TGFB2: variants seen among roughly 807,000 people sequenced by gnomAD.
The protein encoded by TGFB2 is transforming growth factor beta 2, also known as transforming growth factor beta-2 proprotein.
In TGFB2, 13 loss-of-function variants were observed where a neutral mutation model predicts 42.7. The ratio of observed to expected loss-of-function variants is 0.30; its 90% CI spans 0.20 to 0.48. The LOEUF is 0.48. Among genes scored for constraint, TGFB2 ranks in the 20% least tolerant of loss-of-function variants. TGFB2 has a pLI of 0.99. For missense variants in TGFB2, 390 were observed against 517.5 expected (o/e 0.75, Z 2.39); for synonymous variants, 193 against 193.6 (o/e 1.00, Z 0.03).
At chr1:218,437,977 T>C (rs2102630685) in intron 6 of TGFB2, among the ~76,000 whole-genome samples, 1 of 152,304 alleles carries the variant, frequency 6.6e-6, no homozygotes, top group East Asian at 1.9e-4. Context: ...ATTTCCTCAT[T>C]TGGGGAACAT....
At chr1:218,356,405 G>A (rs923044031) in intron 1 of TGFB2, among the ~76,000 whole-genome samples, 28 of 152,114 alleles carry the variant, frequency 1.8e-4, no homozygotes, top group African/African-American at 6.7e-4. Context: ...TTTTTGTAGA[G>A]CTGGGGTCTT....
Position 218,442,266 on chromosome 1 carries a change from AGCTAT to A in TGFB2, c.*910_*914del, listed in dbSNP as rs1427438055. ...TTCAGACCTTAAAATATTGCTGTAT[AGCTAT>A]GCTATAGGTTTTTTCCTTTGTTTTG... On this transcript the variant is annotated 3_prime_UTR_variant, in exon 7 of 7. Coordinates refer to ENST00000366930, the MANE Select transcript of TGFB2 (RefSeq NM_003238.6). The A allele has an allele frequency of 6.6e-6, 1 of 152,076 alleles. No individual in the cohort carries two copies. Among genetic ancestry groups the A allele is most frequent in the Non-Finnish European group, 1.5e-5 (1 of 68,006 alleles). 9.4% of individuals were successfully genotyped at this position (152,076 alleles called of 1,614,324 possible).
At chr1:218,364,325 TA>T (rs1322942736) in intron 1 of TGFB2, among the ~76,000 whole-genome samples, 1 of 152,118 alleles carries the variant, frequency 6.6e-6, no homozygotes, top group African/African-American at 2.4e-5. Flanking sequence ...GGCTGAGGGG[TA>T]CAAAAGCCAG....
chr1:218,350,173 G>C (rs1169307469), intron 1 of TGFB2, among the ~76,000 whole-genome samples: 2 of 152,308 alleles, frequency 1.3e-5, no homozygotes, highest in East Asian at 3.9e-4. Context: ...GTAAGAATCT[G>C]TAGAGAGTCC....
chr1:218,395,396 C>A (rs1470725591), intron 1 of TGFB2, among the ~76,000 whole-genome samples: 1 of 152,074 alleles, frequency 6.6e-6, no homozygotes, highest in Non-Finnish European at 1.5e-5. Flanking sequence ...GAGCTGCTGC[C>A]TTGTTATTTT....
chr1:218,403,080 G>T (rs760386351), intron 1 of TGFB2, among the ~76,000 whole-genome samples: 6 of 152,216 alleles, frequency 3.9e-5, no homozygotes, highest in Non-Finnish European at 7.3e-5. Context: ...GCCTTTCTGC[G>T]TGCACCAGTG....
intron 2 of TGFB2, among the ~76,000 whole-genome samples, chr1:218,416,926 C>A (rs190924753): frequency 2.0e-5 from 3 of 152,162 alleles, no homozygotes; most frequent in East Asian, 1.9e-4. Context: ...GTGAGATGTG[C>A]CTTTCACCTT....
chr1:218,389,062 C>T (rs941476407), intron 1 of TGFB2, among the ~76,000 whole-genome samples: 4 of 152,100 alleles, frequency 2.6e-5, no homozygotes, highest in African/African-American at 7.2e-5. Context: ...GGGGGAGTCA[C>T]TTACATCGAA....
At chr1:218,378,998 C>T (rs1266818236) in intron 1 of TGFB2, among the ~76,000 whole-genome samples, 5 of 152,144 alleles carry the variant, frequency 3.3e-5, no homozygotes, top group African/African-American at 1.2e-4. Context: ...AGCTGTCTGC[C>T]AGCAGATTCT....
At chr1:218,353,305 A>G (rs1400325300) in intron 1 of TGFB2, among the ~76,000 whole-genome samples, 7 of 152,140 alleles carry the variant, frequency 4.6e-5, no homozygotes, top group Non-Finnish European at 5.9e-5. Flanking sequence ...CTGACACTTC[A>G]GGGCAGGGAT....
At chr1:218,418,352 C>T (rs928832501) in intron 2 of TGFB2, among the ~76,000 whole-genome samples, 4 of 152,180 alleles carry the variant, frequency 2.6e-5, no homozygotes, top group African/African-American at 9.7e-5. Flanking sequence ...TTTCATGGGG[C>T]CTACAGCCCC....
chr1:218,377,958 GTGTTTGTTTGTT>G (rs67890412), intron 1 of TGFB2, among the ~76,000 whole-genome samples: 16 of 149,160 alleles, frequency 1.1e-4, no homozygotes, highest in East Asian at 1.9e-4. Flanking sequence ...ATATTATAGT[GTGTTTGTTTGTT>G]TGTTTGTTTG....
At chr1:218,409,258 G>A (rs1429296707) in intron 2 of TGFB2, among the ~76,000 whole-genome samples, 1 of 152,198 alleles carries the variant, frequency 6.6e-6, no homozygotes, top group Non-Finnish European at 1.5e-5. Context: ...TTCTGCTTTA[G>A]ACTAAAGATT....
At chr1:218,365,791 T>A (rs1221061734) in intron 1 of TGFB2, among the ~76,000 whole-genome samples, 1 of 152,096 alleles carries the variant, frequency 6.6e-6, no homozygotes, top group Non-Finnish European at 1.5e-5. Context: ...TTCTGAACAC[T>A]CGTTAAGTGA....
chr1:218,389,773 T>A (rs1308643955), intron 1 of TGFB2, among the ~76,000 whole-genome samples: 1 of 152,250 alleles, frequency 6.6e-6, no homozygotes, highest in Non-Finnish European at 1.5e-5. Context: ...TAGAAGTCAC[T>A]ATTTTTTCAC....
chr1:218,437,152 C>A (rs967862288), intron 5 of TGFB2, among the ~76,000 whole-genome samples, 191 bp from the exon 6 acceptor site: 2 of 152,124 alleles, frequency 1.3e-5, no homozygotes, highest in East Asian at 1.9e-4. Context: ...CCACCACATA[C>A]AACACCCTAT....
At chr1:218,429,354 T>G (rs1278178277) in intron 2 of TGFB2, among the ~76,000 whole-genome samples, 2 of 152,252 alleles carry the variant, frequency 1.3e-5, no homozygotes, top group Non-Finnish European at 2.9e-5. Context: ...TATTTGTCCT[T>G]CTGTGTCAGC....
At chr1:218,350,323 C>G (rs1480558027) in intron 1 of TGFB2, among the ~76,000 whole-genome samples, 1 of 152,208 alleles carries the variant, frequency 6.6e-6, no homozygotes, top group Admixed American at 6.5e-5. Context: ...CCTACTCCCA[C>G]TGGAACGTTT....
intron 2 of TGFB2, among the ~76,000 whole-genome samples, chr1:218,405,995 G>A (rs1451764124): frequency 2.6e-5 from 4 of 152,140 alleles, no homozygotes; most frequent in African/African-American, 9.7e-5. Context: ...CTGGGGAACA[G>A]TCAGTTGACC....
Sources: gnomAD v4.1 joint callset for allele counts (sites outside exome capture counted in the v4.1 genomes callset) on GRCh38, gnomAD v4.1.1 for gene constraint, MANE v1.5 for transcripts, NCBI Gene and HGNC (gene_info 2026-07-23, HGNC 2026-07-21) for gene names.